The following P2RY8 variants were observed in gnomAD, a reference collection of about 807,000 sequenced individuals.
P2RY8 encodes the protein S-geranylgeranyl-glutathione receptor P2RY8.
In P2RY8, 6 loss-of-function variants were observed where a neutral mutation model predicts 10.0. That is an observed-to-expected ratio of 0.60 (90% CI 0.33 to 1.19). The LOEUF (loss-of-function observed/expected upper bound fraction) is 1.19. Ranked by LOEUF, P2RY8 falls within the 50% of genes most tolerant of loss-of-function variation. P2RY8 has a pLI of 0.04. For synonymous variants in P2RY8, 276 were observed against 252.5 expected (o/e 1.09, Z -0.88); for missense variants, 456 against 542.0 (o/e 0.84, Z 1.58).
chrX:1,477,357 CATCT>C (rs1490519424), intron 1 of P2RY8, among the ~76,000 whole-genome samples: 16 of 151,980 alleles, frequency 1.1e-4, no homozygotes, highest in South Asian at 4.1e-4. Context: ...ATCAATCGAT[CATCT>C]ATCTACCTAT....
chrX:1,476,629 T>G (rs1463597078), intron 1 of P2RY8, among the ~76,000 whole-genome samples: 1 of 151,354 alleles, frequency 6.6e-6, no homozygotes, highest in Non-Finnish European at 1.5e-5. Context: ...CATATAGATG[T>G]TTGAGAGGTA....
intron 1 of P2RY8, among the ~76,000 whole-genome samples, chrX:1,528,767 A>G (rs1255796672): frequency 4.0e-5 from 6 of 148,720 alleles, no homozygotes; most frequent in African/African-American, 1.3e-4. Context: ...AGTGGACTTG[A>G]GTCTGTTTGA....
intron 1 of P2RY8, chrX:1,494,236 C>G (rs1342260161): frequency 6.6e-6 from 1 of 152,250 alleles, no homozygotes; most frequent in Non-Finnish European, 1.5e-5. Flanking sequence ...GAGCTCCGCA[C>G]AGGAGCAGGA....
intron 1 of P2RY8, among the ~76,000 whole-genome samples, chrX:1,468,954 C>T (rs1469491302): frequency 3.4e-3 from 1 of 294 alleles, no homozygotes; most frequent in African/African-American, 0.021. Context: ...CTCCCCTCTC[C>T]CCTCTCCCCT....
chrX:1,496,660 A>T (rs1309750297), intron 1 of P2RY8, among the ~76,000 whole-genome samples: 1 of 151,454 alleles, frequency 6.6e-6, no homozygotes, highest in African/African-American at 2.4e-5. Flanking sequence ...AGGACTTGGG[A>T]AGATATTCAA....
intron 1 of P2RY8, among the ~76,000 whole-genome samples, chrX:1,501,481 C>G (rs1473438616): frequency 1.3e-5 from 2 of 152,184 alleles, no homozygotes; most frequent in Non-Finnish European, 2.9e-5. Flanking sequence ...CCCACCTCAG[C>G]CTCCTGAGCA....
intron 1 of P2RY8, among the ~76,000 whole-genome samples, chrX:1,494,769 C>T (rs750558050): frequency 7.9e-5 from 12 of 152,210 alleles, no homozygotes; most frequent in African/African-American, 1.4e-4. Flanking sequence ...GCAATGGCAC[C>T]GTCTCCGCTC....
At chrX:1,497,048 G>A (rs6645236) in intron 1 of P2RY8, among the ~76,000 whole-genome samples, 83,073 of 146,586 alleles carry the variant, frequency 0.57, 24,304 homozygotes, top group African/African-American at 0.71. Flanking sequence ...GTGAAACCCT[G>A]TCTCTACTTA....
At chrX:1,524,786 C>A in intron 1 of P2RY8, among the ~76,000 whole-genome samples, 1 of 92,466 alleles carries the variant, frequency 1.1e-5, no homozygotes, top group Non-Finnish European at 2.5e-5. Flanking sequence ...TCCATCCACT[C>A]ATCCATTCAT....
chrX:1,531,954 C>T (rs73186993), intron 1 of P2RY8, among the ~76,000 whole-genome samples: 10,924 of 152,172 alleles, frequency 0.072, 534 homozygotes, highest in Non-Finnish European at 0.11. Context: ...GTCTGCACTG[C>T]TGGTGGGAAC....
chrX:1,499,448 A>C (rs2092153561), intron 1 of P2RY8, among the ~76,000 whole-genome samples: 1 of 152,078 alleles, frequency 6.6e-6, no homozygotes, highest in Non-Finnish European at 1.5e-5. Flanking sequence ...TACAGACGTG[A>C]ACCACCATGC....
chrX:1,472,242 G>C (rs1432793640), intron 1 of P2RY8, among the ~76,000 whole-genome samples: 1 of 149,616 alleles, frequency 6.7e-6, no homozygotes, highest in African/African-American at 2.5e-5. Context: ...AGTAGGGAGA[G>C]GCCCTAATAA....
intron 1 of P2RY8, among the ~76,000 whole-genome samples, chrX:1,501,246 G>A (rs1232708447): frequency 6.6e-6 from 1 of 152,200 alleles, no homozygotes; most frequent in African/African-American, 2.4e-5. Context: ...CCGACTTCAA[G>A]GGACGTAAAT....
At chrX:1,472,145 T>C (rs1174696745) in intron 1 of P2RY8, among the ~76,000 whole-genome samples, 7 of 152,126 alleles carry the variant, frequency 4.6e-5, no homozygotes, top group African/African-American at 1.7e-4. Context: ...ACACCCTGGC[T>C]GATACTCTCG....
intron 1 of P2RY8, among the ~76,000 whole-genome samples, chrX:1,467,557 A>C (rs1220052424): frequency 1.3e-5 from 2 of 152,230 alleles, no homozygotes; most frequent in Admixed American, 1.3e-4. Context: ...GACGTCTGGA[A>C]GGAGAGACGC....
chrX:1,473,684 A>C (rs1466571388), intron 1 of P2RY8, among the ~76,000 whole-genome samples: 17 of 76,018 alleles, frequency 2.2e-4, no homozygotes, highest in Admixed American at 1.1e-3. Context: ...GGATGTATAG[A>C]TGAGTAGGTG....
intron 1 of P2RY8, among the ~76,000 whole-genome samples, chrX:1,509,627 A>G (rs1389281467): frequency 7.0e-6 from 1 of 143,304 alleles, no homozygotes; most frequent in African/African-American, 2.8e-5. Context: ...TCATGTATGT[A>G]TCTATCCATC....
intron 1 of P2RY8, among the ~76,000 whole-genome samples, chrX:1,493,444 AGG>A (rs1569537399): frequency 4.8e-5 from 4 of 83,100 alleles, no homozygotes; most frequent in East Asian, 1.2e-3. Flanking sequence ...GGGAAGGAGG[AGG>A]AAGGAGGAAG....
At chrX:1,470,429 C>T (rs2091770084) in intron 1 of P2RY8, among the ~76,000 whole-genome samples, 1 of 151,898 alleles carries the variant, frequency 6.6e-6, no homozygotes, top group African/African-American at 2.4e-5. Context: ...GCAGGAGAAT[C>T]GCTTGAACCT....
Sources: gnomAD v4.1 joint callset for allele counts (sites outside exome capture counted in the v4.1 genomes callset) on GRCh38, gnomAD v4.1.1 for gene constraint, MANE v1.5 for transcripts, NCBI Gene and HGNC (gene_info 2026-07-23, HGNC 2026-07-21) for gene names.